Variants in CTBP2 observed in about 807,000 individuals in gnomAD.
CTBP2 encodes the protein C-terminal-binding protein 2.
Under a neutral mutation model 80.3 loss-of-function variants are expected in CTBP2, and 30 were observed. The ratio of observed to expected loss-of-function variants is 0.37; its 90% confidence interval spans 0.28 to 0.51. CTBP2 has a LOEUF of 0.51. CTBP2 is among the 20% of genes least tolerant of loss of function. CTBP2 has a pLI of 0.93. For missense variants in CTBP2, 1,212 were observed against 1,375.3 expected (o/e 0.88, Z 1.88); for synonymous variants, 594 against 587.4 (o/e 1.01, Z -0.16).
chr10:125,036,163 A>G (rs918494525), intron 3 of CTBP2, among the ~76,000 whole-genome samples: 12 of 152,166 alleles, frequency 7.9e-5, no homozygotes, highest in African/African-American at 2.7e-4. Flanking sequence ...CAGAAGGATC[A>G]AGCTCCATGC....
chr10:125,125,808 G>A (rs1300576756), intron 1 of CTBP2, among the ~76,000 whole-genome samples: 2 of 152,206 alleles, frequency 1.3e-5, no homozygotes, highest in Non-Finnish European at 2.9e-5. Flanking sequence ...TGAGATCTGG[G>A]CTAAGAAAGG....
intron 1 of CTBP2, among the ~76,000 whole-genome samples, chr10:125,114,678 G>C (rs926672484): frequency 6.6e-6 from 1 of 152,160 alleles, no homozygotes; most frequent in Non-Finnish European, 1.5e-5. Context: ...TGATGGGGGC[G>C]TCTGAGAAAC....
At chr10:125,061,816 A>G (rs1256707988) in intron 2 of CTBP2, among the ~76,000 whole-genome samples, 1 of 152,182 alleles carries the variant, frequency 6.6e-6, no homozygotes, top group East Asian at 1.9e-4. Flanking sequence ...GAGCAGCTGT[A>G]GCAATAAGCA....
chr10:125,086,593 C>T, intron 2 of CTBP2, among the ~76,000 whole-genome samples: 1 of 125,158 alleles, frequency 8.0e-6, no homozygotes, highest in East Asian at 2.4e-4. Context: ...CCAGCCTGGG[C>T]AATCGAGCAA....
chr10:125,132,131 T>C (rs1189668803), intron 1 of CTBP2, among the ~76,000 whole-genome samples: 6 of 152,226 alleles, frequency 3.9e-5, no homozygotes, highest in Admixed American at 3.9e-4. Flanking sequence ...TAGTAAATCT[T>C]CTGGTAACAA....
intron 1 of CTBP2, among the ~76,000 whole-genome samples, chr10:125,152,352 G>C (rs1446119938): frequency 6.6e-6 from 1 of 152,176 alleles, no homozygotes; most frequent in African/African-American, 2.4e-5. Flanking sequence ...GCGGCCAGGT[G>C]TGGCGGACTG....
At chr10:125,009,515 T>G (rs891544267) in intron 1 of CTBP2, among the ~76,000 whole-genome samples, 14 of 152,140 alleles carry the variant, frequency 9.2e-5, no homozygotes, top group African/African-American at 3.1e-4. Flanking sequence ...AAAAGCTTCC[T>G]CTTAAATGCG....
chr10:125,015,753 A>G (rs1956412229), intron 1 of CTBP2, among the ~76,000 whole-genome samples: 1 of 152,228 alleles, frequency 6.6e-6, no homozygotes, highest in South Asian at 2.1e-4. Context: ...ACAACAACAG[A>G]AGGGGATGTT....
intron 1 of CTBP2, among the ~76,000 whole-genome samples, chr10:125,006,290 G>A (rs1416732275): frequency 6.7e-6 from 1 of 150,028 alleles, no homozygotes; most frequent in African/African-American, 2.4e-5. Context: ...AAGATGCCGG[G>A]CACGACGGCT....
At chr10:125,021,554 G>A (rs74630347) in intron 1 of CTBP2, among the ~76,000 whole-genome samples, 2,113 of 152,186 alleles carry the variant, frequency 0.014, 50 homozygotes, top group African/African-American at 0.048. Flanking sequence ...TGGTAAGGGG[G>A]CACAACCAAG....
upstream of CTBP2, among the ~76,000 whole-genome samples, chr10:125,028,893 T>C (rs567376667): frequency 7.9e-5 from 12 of 152,316 alleles, no homozygotes; most frequent in East Asian, 2.1e-3. Flanking sequence ...TCAGGCGCAA[T>C]AATGCAAAGA....
exon 1 of CTBP2, chr10:125,160,494 G>C (rs1255468649): frequency 6.8e-6 from 1 of 146,130 alleles, no homozygotes; most frequent in Admixed American, 6.9e-5. Flanking sequence ...GGCCGCCGCC[G>C]GCTCCTCCGG....
At chr10:125,070,323 C>T (rs148368264) in intron 2 of CTBP2, among the ~76,000 whole-genome samples, 1 of 151,790 alleles carries the variant, frequency 6.6e-6, no homozygotes, top group Admixed American at 6.5e-5. Flanking sequence ...TGCACTCCAG[C>T]CTGAGTGACA....
chr10:125,057,000 G>A (rs953940098), intron 2 of CTBP2, among the ~76,000 whole-genome samples: 15 of 152,220 alleles, frequency 9.9e-5, no homozygotes, highest in African/African-American at 3.1e-4. Flanking sequence ...TCTGTCCCCG[G>A]GGTACACAGG....
At chr10:125,152,792 G>C (rs1048318805) in intron 1 of CTBP2, among the ~76,000 whole-genome samples, 1 of 152,196 alleles carries the variant, frequency 6.6e-6, no homozygotes, top group African/African-American at 2.4e-5. Flanking sequence ...GGAAATATGG[G>C]TAGGAAATGT....
chr10:125,148,932 T>C (rs1859309631), intron 1 of CTBP2, among the ~76,000 whole-genome samples: 1 of 152,224 alleles, frequency 6.6e-6, no homozygotes, highest in African/African-American at 2.4e-5. Context: ...GTGAAAAGCA[T>C]GCGCCGTGGA....
At chr10:125,031,488 C>CAAAAAAAAAAAAA (rs11463934), upstream of CTBP2, among the ~76,000 whole-genome samples, 13 of 33,692 alleles carry the variant, frequency 3.9e-4, no homozygotes, top group African/African-American at 1.6e-3. Context: ...GACTCCATTT[C>CAAAAAAAAAAAAA]AAAAAAAAAA....
chr10:125,160,796 C>T (rs1861817270), upstream of CTBP2: 1 of 140,728 alleles, frequency 7.1e-6, no homozygotes, highest in South Asian at 2.4e-4. Context: ...CTGGGGGTCC[C>T]CGGCCCGGGC....
rs1437569060 is a variant in CTBP2, at chr10:125,136,173, G to A, written c.-206+24146C>T. Among the ~76,000 whole-genome samples, 4 of 152,336 alleles carry A rather than the reference G, an allele frequency of 2.6e-5. No homozygotes were observed. The South Asian group carries it at 8.3e-4, about 32-fold the overall frequency. ...CTCAGATCCAGATAAGGATGAGAACGAAGGGGCTGGAGGGACCCAGGCAGG... is the reference window on the plus strand; with the variant it reads ...CTCAGATCCAGATAAGGATGAGAACAAAGGGGCTGGAGGGACCCAGGCAGG... On this transcript the variant is annotated intron_variant, in intron 1 of 10. Transcript: ENST00000337195.
Sources: allele counts gnomAD v4.1 joint callset (sites outside exome capture counted in the v4.1 genomes callset), GRCh38; gene constraint gnomAD v4.1.1; transcripts MANE v1.5; gene names NCBI Gene and HGNC (gene_info 2026-07-23, HGNC 2026-07-21).